The following MVB12B variants were observed in gnomAD, a reference collection of about 807,000 sequenced individuals.
MVB12B encodes ESCRT-I complex subunit MVB12B.
Under a neutral mutation model 41.6 loss-of-function variants are expected in MVB12B, and 16 were observed. The observed-to-expected ratio is 0.38, with a 90% confidence interval of 0.26 to 0.58. MVB12B has a LOEUF of 0.58. Ranked by LOEUF, MVB12B falls within the 20% of genes least tolerant of loss-of-function variation. The pLI is 0.62. For missense variants in MVB12B, 274 were observed against 380.2 expected (o/e 0.72, Z 2.32); for synonymous variants, 133 against 139.7 (o/e 0.95, Z 0.34).
rs576406811 is a variant in MVB12B, at chr9:126,486,575, G to A, written c.873+2543G>A. 4.6e-4 allele frequency among the ~76,000 whole-genome samples: 70 copies of A among 152,360 alleles called. No individual in the cohort carries two copies. Among genetic ancestry groups the A allele is most frequent in the African/African-American group, 1.3e-3 (54 of 41,590 alleles). On this transcript the variant is annotated intron_variant, in intron 9 of 9. Coordinates refer to ENST00000361171, the MANE Select transcript of MVB12B (RefSeq NM_033446.3). This position sits in a 1 kb window ranked among gnomAD's most constrained non-coding sequence, Gnocchi z 4.7. The stretch of plus-strand genomic sequence containing the variant: ...ACGTGCTGGCAGCAGCGGCCTCAGC[G>A]TCGAGCCATCTCCCCTCCCGTTCTG...
intron 9 of MVB12B, among the ~76,000 whole-genome samples, chr9:126,488,094 G>A (rs1047353607): frequency 1.1e-4 from 16 of 152,126 alleles, no homozygotes; most frequent in African/African-American, 3.6e-4. Flanking sequence ...CACTGAACTC[G>A]GCATTGCTCG....
At chr9:126,490,851 A>C (rs575788016) in intron 9 of MVB12B, among the ~76,000 whole-genome samples, 21 of 152,362 alleles carry the variant, frequency 1.4e-4, no homozygotes, top group African/African-American at 4.8e-4. Flanking sequence ...TCAGTCCTCA[A>C]GAGTGTAGTC....
intron 6 of MVB12B, 47 bp from the exon 7 acceptor site, chr9:126,421,807 G>C: frequency 6.9e-7 from 1 of 1,446,980 alleles, no homozygotes; most frequent in South Asian, 1.1e-5. Context: ...CTGAGTCTTG[G>C]GGAATGCTCC....
intron 2 of MVB12B, among the ~76,000 whole-genome samples, chr9:126,361,892 C>T (rs1830039766): frequency 8.3e-6 from 1 of 120,344 alleles, no homozygotes; most frequent in South Asian, 2.7e-4. Flanking sequence ...CCAGCCTGAG[C>T]AACAGAGTGA....
chr9:126,455,273 C>T (rs1402508811), intron 7 of MVB12B, among the ~76,000 whole-genome samples: 5 of 151,684 alleles, frequency 3.3e-5, no homozygotes, highest in East Asian at 1.9e-4. Flanking sequence ...CTGCCACCTC[C>T]GCCTCCCGGG....
intron 7 of MVB12B, among the ~76,000 whole-genome samples, chr9:126,447,186 C>T (rs1832794184): frequency 6.6e-6 from 1 of 150,504 alleles, no homozygotes; most frequent in South Asian, 2.1e-4. Flanking sequence ...CTCAGGTGAC[C>T]CACCTGCCTC....
rs893857113 is a variant in MVB12B, at chr9:126,386,045, T to C, written c.313-517T>C. On this transcript the variant is annotated intron_variant, in intron 3 of 9. Coordinates refer to ENST00000361171, the MANE Select transcript of MVB12B (RefSeq NM_033446.3). This position sits in a 1 kb window ranked among gnomAD's most constrained non-coding sequence, Gnocchi z 4.3. ...TATTGAGGCAGCAGGGCTTTCACTC[T>C]GTATTAGTGTATGATTCTTGGGATT... 6.6e-6 allele frequency among the ~76,000 whole-genome samples: 1 copy of C among 152,226 alleles called. No individual in the cohort carries two copies. Among genetic ancestry groups the C allele is most frequent in the Non-Finnish European group, 1.5e-5 (1 of 68,038 alleles).
At chr9:126,415,788 T>C (rs893175807) in intron 6 of MVB12B, among the ~76,000 whole-genome samples, 2 of 152,128 alleles carry the variant, frequency 1.3e-5, no homozygotes, top group African/African-American at 4.8e-5. Context: ...GTGGAGATCA[T>C]GTTCTGGTGA....
chr9:126,452,473 C>T (rs1588184540), intron 7 of MVB12B, among the ~76,000 whole-genome samples: 1 of 152,198 alleles, frequency 6.6e-6, no homozygotes, highest in Non-Finnish European at 1.5e-5. Context: ...CCTGTTAGAG[C>T]GCTGTCCATT....
At chr9:126,373,461 T>A (rs1830396025) in intron 2 of MVB12B, among the ~76,000 whole-genome samples, 2 of 152,260 alleles carry the variant, frequency 1.3e-5, no homozygotes, top group African/African-American at 4.8e-5. Flanking sequence ...ACTTCATTCT[T>A]GTTCATCGTG....
rs1187754048 is a variant in MVB12B, at chr9:126,391,009, A to G, written c.410-1057A>G. Among the ~76,000 whole-genome samples the G allele has an allele frequency of 3.3e-5, 5 of 151,906 alleles. No homozygotes were observed. Among genetic ancestry groups the G allele is most frequent in the Non-Finnish European group, 7.4e-5 (5 of 67,990 alleles). The stretch of plus-strand genomic sequence containing the variant: ...ACAGAGTTCAAAAATCACCATTGTG[A>G]ACCTTTAATAAAACATGGATCTTAG... On this transcript the variant is annotated intron_variant, in intron 4 of 9. Coordinates refer to ENST00000361171, the MANE Select transcript of MVB12B (RefSeq NM_033446.3). The surrounding 1 kb of genome is among the most constrained non-coding windows in gnomAD (Gnocchi z 4.4).
chr9:126,406,188 C>T (rs1444723200), intron 6 of MVB12B, among the ~76,000 whole-genome samples: 1 of 152,082 alleles, frequency 6.6e-6, no homozygotes, highest in African/African-American at 2.4e-5. Context: ...AGAGGTCTCA[C>T]CATAATGCCC....
At chr9:126,499,509 A>G (rs1833906690) in intron 9 of MVB12B, among the ~76,000 whole-genome samples, 1 of 152,210 alleles carries the variant, frequency 6.6e-6, no homozygotes, top group East Asian at 1.9e-4. Flanking sequence ...TGTCTTGAGT[A>G]AACAGATCCG....
In MVB12B at chr9:126,505,672, GTGTGTGTA is replaced by G. The variant is rs769524000; in HGVS notation, c.*2411_*2418del. ...CATGTGCCTGTGTGTGTGTGTGTGT[GTGTGTGTA>G]TATGTGTGTGTGTGCACGCACATGC... On this transcript the variant is annotated 3_prime_UTR_variant, in exon 10 of 10. Coordinates refer to ENST00000361171, the MANE Select transcript of MVB12B (RefSeq NM_033446.3). 0.033 allele frequency: 4,055 copies of G among 124,746 alleles called. 71 individuals are homozygous for G. The highest frequency in any genetic ancestry group is 0.045 in the Middle Eastern group (9 of 200). The allele number at this position is 124,746 out of a possible 1,614,324, so 7.7% of individuals were successfully genotyped here. A position where few individuals can be genotyped will look rare whatever the true frequency, so the allele number is the denominator to read the frequency against.
At chr9:126,434,620 G>A (rs1832421536) in intron 7 of MVB12B, among the ~76,000 whole-genome samples, 2 of 152,182 alleles carry the variant, frequency 1.3e-5, no homozygotes. Context: ...GTGTTTACCT[G>A]AAATATGCCC....
chr9:126,476,318 C>T (rs936599218), intron 7 of MVB12B, among the ~76,000 whole-genome samples: 2 of 152,206 alleles, frequency 1.3e-5, no homozygotes, highest in African/African-American at 4.8e-5. Context: ...CCCACCAACT[C>T]CCCAGGGTGC....
chr9:126,449,009 G>T (rs1832843500), intron 7 of MVB12B, among the ~76,000 whole-genome samples: 1 of 152,226 alleles, frequency 6.6e-6, no homozygotes. Context: ...TGGCATAGAA[G>T]GAAGGGCAGG....
intron 2 of MVB12B, among the ~76,000 whole-genome samples, chr9:126,361,351 T>C (rs553651315): frequency 6.6e-6 from 1 of 152,336 alleles, no homozygotes; most frequent in Non-Finnish European, 1.5e-5. Flanking sequence ...ATTGTTCCTC[T>C]TCTAGCCCTT....
chr9:126,500,214 G>A (rs776571872), intron 9 of MVB12B, among the ~76,000 whole-genome samples: 1 of 150,718 alleles, frequency 6.6e-6, no homozygotes. Context: ...CCTACTGAAG[G>A]AGCAGAAGGG....
Sources: allele counts gnomAD v4.1 joint callset (sites outside exome capture counted in the v4.1 genomes callset), GRCh38; gene constraint gnomAD v4.1.1; non-coding constraint Gnocchi (gnomAD v3.1); transcripts MANE v1.5; gene names NCBI Gene and HGNC (gene_info 2026-07-23, HGNC 2026-07-21).